The following GALNTL6 variants were observed in gnomAD, a reference collection of about 807,000 sequenced individuals.
GALNTL6 encodes the protein polypeptide N-acetylgalactosaminyltransferase like 6.
In GALNTL6, 46 loss-of-function variants were observed where a neutral mutation model predicts 73.7. The ratio of observed to expected loss-of-function variants is 0.62; its 90% CI spans 0.49 to 0.80. The LOEUF is 0.80. Ranked by LOEUF, GALNTL6 falls within the 30% of genes least tolerant of loss-of-function variation. The pLI, the probability that GALNTL6 is intolerant of heterozygous loss-of-function variation, is 0.00. For synonymous variants in GALNTL6, 259 were observed against 263.7 expected (o/e 0.98, Z 0.17); for missense variants, 604 against 755.0 (o/e 0.80, Z 2.34).
At chr4:172,756,324 G>GGT (rs1560930555) in intron 5 of GALNTL6, among the ~76,000 whole-genome samples, 1 of 152,158 alleles carries the variant, frequency 6.6e-6, no homozygotes, top group East Asian at 1.9e-4. Context: ...TTGAATAACT[G>GGT]GTGATTTGTC....
chr4:172,555,593 A>G (rs750272147), intron 5 of GALNTL6, among the ~76,000 whole-genome samples: 2 of 152,068 alleles, frequency 1.3e-5, no homozygotes, highest in East Asian at 1.9e-4. Context: ...AGAATAATAC[A>G]TATTGATGTA....
At chr4:172,176,237 G>A (rs1038622854) in intron 2 of GALNTL6, among the ~76,000 whole-genome samples, 9 of 150,032 alleles carry the variant, frequency 6.0e-5, no homozygotes, top group Non-Finnish European at 1.2e-4. Flanking sequence ...CTACTCAAAA[G>A]GCTGAGGCAG....
chr4:172,603,097 T>C (rs1239465334), intron 5 of GALNTL6, among the ~76,000 whole-genome samples: 1 of 152,094 alleles, frequency 6.6e-6, no homozygotes, highest in Non-Finnish European at 1.5e-5. Context: ...AGAGGCAGGA[T>C]TGTTGATGGC....
intron 5 of GALNTL6, among the ~76,000 whole-genome samples, chr4:172,794,565 T>C (rs888322496): frequency 5.3e-5 from 8 of 152,230 alleles, no homozygotes; most frequent in Non-Finnish European, 1.0e-4. Context: ...TTATATTTCA[T>C]AGTGCTTTTT....
intron 7 of GALNTL6, among the ~76,000 whole-genome samples, chr4:172,858,483 G>A (rs1744225153): frequency 6.6e-6 from 1 of 152,088 alleles, no homozygotes; most frequent in South Asian, 2.1e-4. Flanking sequence ...AGAAACCTGA[G>A]GCAATGGAGC....
chr4:172,673,336 ATTGT>A (rs1259591260), intron 5 of GALNTL6, among the ~76,000 whole-genome samples: 1 of 152,038 alleles, frequency 6.6e-6, no homozygotes, highest in African/African-American at 2.4e-5. Flanking sequence ...GGTCCAAGAG[ATTGT>A]TTGTTATGAT....
In GALNTL6 at chr4:173,017,139, C is replaced by G. The variant is rs149734737; in HGVS notation, c.1489-4337C>G. Among the ~76,000 whole-genome samples, 356 of 152,290 alleles carry G rather than the reference C, an allele frequency of 2.3e-3. 3 individuals are homozygous for G. The highest frequency in any genetic ancestry group is 2.5e-3 in the Non-Finnish European group (171 of 68,034). On this transcript the variant is annotated intron_variant, in intron 11 of 12. Coordinates refer to ENST00000506823, the MANE Select transcript of GALNTL6 (RefSeq NM_001034845.3). ...CATGCTGAGCTGTGAGTCAATTAAA[C>G]CTCTTTCTTTTATAAATTACCCAGT...
chr4:172,156,992 A>G (rs1199788992), intron 2 of GALNTL6, among the ~76,000 whole-genome samples: 1 of 152,106 alleles, frequency 6.6e-6, no homozygotes, highest in Non-Finnish European at 1.5e-5. Context: ...GTTAAGTGCC[A>G]TTATCATAAA....
intron 5 of GALNTL6, among the ~76,000 whole-genome samples, chr4:172,584,133 CA>C (rs61238256): frequency 0.017 from 2,345 of 139,912 alleles, 52 homozygotes; most frequent in African/African-American, 0.053. Context: ...TAAGTAATTG[CA>C]AAAAAAAAAA....
chr4:172,871,539 C>T (rs965460462), intron 7 of GALNTL6, among the ~76,000 whole-genome samples: 2 of 151,466 alleles, frequency 1.3e-5, no homozygotes, highest in African/African-American at 4.9e-5. Flanking sequence ...TTCACATTCA[C>T]ACTTTTTAGC....
At chr4:172,892,605 C>CTTTTT (rs57815105) in intron 8 of GALNTL6, among the ~76,000 whole-genome samples, 1 of 137,844 alleles carries the variant, frequency 7.3e-6, no homozygotes, top group African/African-American at 2.6e-5. Flanking sequence ...ATTTTTAATT[C>CTTTTT]TTTTTTTTTT....
At chr4:172,871,611 AGTGTGTGTGTGT>A (rs5864173) in intron 7 of GALNTL6, among the ~76,000 whole-genome samples, 8 of 137,612 alleles carry the variant, frequency 5.8e-5, no homozygotes, top group South Asian at 4.9e-4. Flanking sequence ...TGTGTGTGAG[AGTGTGTGTGTGT>A]GTGTGTGTGT....
At chr4:172,956,304 G>A (rs531216918) in intron 10 of GALNTL6, among the ~76,000 whole-genome samples, 3 of 152,228 alleles carry the variant, frequency 2.0e-5, no homozygotes, top group Admixed American at 6.5e-5. Flanking sequence ...AGAATTATTG[G>A]TGATGGCCTG....
chr4:172,731,816 G>T (rs544824283), intron 5 of GALNTL6, among the ~76,000 whole-genome samples: 2 of 152,030 alleles, frequency 1.3e-5, no homozygotes, highest in African/African-American at 4.8e-5. Context: ...CAAAAACATG[G>T]TTTTTTAAAT....
chr4:172,539,875 T>TTATATATATA (rs10589603), intron 5 of GALNTL6, among the ~76,000 whole-genome samples: 8 of 126,682 alleles, frequency 6.3e-5, no homozygotes, highest in African/African-American at 9.0e-5. Context: ...ATACATATGA[T>TTATATATATA]TATATATATA....
chr4:172,976,101 G>A (rs1750798770), intron 10 of GALNTL6, among the ~76,000 whole-genome samples: 2 of 152,154 alleles, frequency 1.3e-5, no homozygotes, highest in Non-Finnish European at 2.9e-5. Context: ...CCCCGCTGTA[G>A]CTAGCTCCTT....
At chr4:172,086,921 T>C (rs1361501417) in intron 2 of GALNTL6, among the ~76,000 whole-genome samples, 1 of 152,200 alleles carries the variant, frequency 6.6e-6, no homozygotes, top group Non-Finnish European at 1.5e-5. Context: ...AAAATGAACA[T>C]TCTTCATATG....
At chr4:172,156,571 A>ATAGT (rs751638637) in intron 2 of GALNTL6, among the ~76,000 whole-genome samples, 2 of 70,958 alleles carry the variant, frequency 2.8e-5, no homozygotes, top group African/African-American at 1.3e-4. Context: ...ATATATACAT[A>ATAGT]CTATATATAT....
chr4:173,031,037 A>AGAGC (rs1753438172), intron 12 of GALNTL6, among the ~76,000 whole-genome samples: 1 of 151,330 alleles, frequency 6.6e-6, no homozygotes, highest in Admixed American at 6.6e-5. Flanking sequence ...AGAGAGAGAG[A>AGAGC]GCACAGGCTC....
Sources: gnomAD v4.1 joint callset for allele counts (sites outside exome capture counted in the v4.1 genomes callset) on GRCh38, gnomAD v4.1.1 for gene constraint, MANE v1.5 for transcripts, NCBI Gene and HGNC (gene_info 2026-07-23, HGNC 2026-07-21) for gene names.